The following FAM178B variants were observed in gnomAD, a reference collection of about 807,000 sequenced individuals.
The protein encoded by FAM178B is family with sequence similarity 178 member B.
FAM178B carries 82 observed loss-of-function variants against 91.7 expected under a neutral mutation model. The ratio of observed to expected loss-of-function variants is 0.89; its 90% confidence interval spans 0.75 to 1.07. The LOEUF is 1.07. FAM178B is among the 50% of genes least tolerant of loss of function. The pLI is 0.00. For synonymous variants in FAM178B, 368 were observed against 359.4 expected, an observed-to-expected ratio of 1.02 and a Z score of -0.27; for missense variants, 769 against 846.7, an observed-to-expected ratio of 0.91 and a Z score of 1.14.
At chr2:96,940,173 C>G (rs2081702832) in intron 8 of FAM178B, among the ~76,000 whole-genome samples, 1 of 152,186 alleles carries the variant, frequency 6.6e-6, no homozygotes, top group South Asian at 2.1e-4. Context: ...CAGCCCGCCT[C>G]TCTGGGCCTG....
intron 6 of FAM178B, among the ~76,000 whole-genome samples, chr2:96,957,116 T>C (rs987273328): frequency 3.9e-5 from 6 of 152,102 alleles, no homozygotes; most frequent in Non-Finnish European, 8.8e-5. Context: ...CCTCCCAAAG[T>C]GCTGGGATTA....
intron 8 of FAM178B, among the ~76,000 whole-genome samples, chr2:96,945,106 G>A (rs1032396059): frequency 6.6e-6 from 1 of 152,188 alleles, no homozygotes; most frequent in African/African-American, 2.4e-5. Context: ...AGTGCTTGAG[G>A]AAGGAGGTGC....
chr2:96,962,898 T>C (rs1401727460), intron 5 of FAM178B, among the ~76,000 whole-genome samples: 1 of 152,180 alleles, frequency 6.6e-6, no homozygotes, highest in Non-Finnish European at 1.5e-5. Flanking sequence ...CTGCACCCCC[T>C]TCCCTGGCCC....
intron 7 of FAM178B, 72 bp from the exon 8 acceptor site, chr2:96,947,974 C>G: frequency 1.4e-6 from 1 of 735,370 alleles, no homozygotes; most frequent in South Asian, 1.6e-5. Flanking sequence ...TAGTAGCAAA[C>G]TTCTATTACT....
At chr2:96,981,601 C>T (rs1307016221) in intron 1 of FAM178B, among the ~76,000 whole-genome samples, 6 of 151,732 alleles carry the variant, frequency 4.0e-5, no homozygotes, top group African/African-American at 1.5e-4. Context: ...ATCAGCCAGG[C>T]GTGGTGGTGG....
At chr2:96,901,173 T>C (rs960778812) in intron 13 of FAM178B, among the ~76,000 whole-genome samples, 30 of 140,862 alleles carry the variant, frequency 2.1e-4, no homozygotes, top group Non-Finnish European at 2.4e-4. Flanking sequence ...TGAATTCTTT[T>C]TTCTTTTTTT....
rs1559079726 is a variant in FAM178B at position 96,929,353 on chromosome 2, T to C, written c.1079-33A>G. Reference sequence around the variant, plus strand: ...GCCAAAAGGGAGCAGAGAGTTAGAATGGGGAACGGAGGGCAGGGTGCACCA... The same window carrying C: ...GCCAAAAGGGAGCAGAGAGTTAGAACGGGGAACGGAGGGCAGGGTGCACCA... On this transcript the variant is annotated intron_variant, in intron 8 of 16. Transcript: ENST00000490605. 6 of 1,477,538 alleles carry C rather than the reference T, an allele frequency of 4.1e-6. No homozygotes were observed. In the South Asian group the frequency reaches 4.8e-5, roughly 12 times the overall value. 91.5% of individuals were successfully genotyped at this position (1,477,538 alleles called of 1,614,324 possible). A position where few individuals can be genotyped will look rare whatever the true frequency, so the allele number is the denominator to read the frequency against.
intron 4 of FAM178B, among the ~76,000 whole-genome samples, chr2:96,970,107 C>T (rs368000167): frequency 8.5e-5 from 13 of 152,198 alleles, no homozygotes; most frequent in South Asian, 8.3e-4. Flanking sequence ...TGAAGACGAC[C>T]CCTGTCTGTC....
intron 14 of FAM178B, among the ~76,000 whole-genome samples, chr2:96,886,989 C>T (rs1471992781): frequency 1.4e-4 from 21 of 152,130 alleles, no homozygotes; most frequent in East Asian, 1.9e-4. Context: ...CAGAGGCGGG[C>T]GGATCACGAG....
At chr2:96,945,094 G>T (rs539505489) in intron 8 of FAM178B, among the ~76,000 whole-genome samples, 1 of 152,166 alleles carries the variant, frequency 6.6e-6, no homozygotes, top group African/African-American at 2.4e-5. Context: ...GCCATCTAGC[G>T]AAGTGCTTGA....
chr2:96,894,460 C>T (rs1485119205), intron 13 of FAM178B, among the ~76,000 whole-genome samples: 5 of 128,820 alleles, frequency 3.9e-5, no homozygotes, highest in African/African-American at 1.5e-4. Flanking sequence ...ACCTACTCAC[C>T]CCCTCCACAG....
At chr2:96,980,169 C>G (rs566197837) in intron 1 of FAM178B, among the ~76,000 whole-genome samples, 1 of 151,688 alleles carries the variant, frequency 6.6e-6, no homozygotes, top group Admixed American at 6.6e-5. Context: ...TCCGCCTCCC[C>G]GTTTTAAGCA....
intron 13 of FAM178B, among the ~76,000 whole-genome samples, chr2:96,898,992 G>C (rs2080875143): frequency 6.6e-6 from 1 of 152,222 alleles, no homozygotes; most frequent in African/African-American, 2.4e-5. Context: ...GTGGGTGGCT[G>C]TGGGGACGAG....
chr2:96,954,001 C>T (rs1359369207), intron 6 of FAM178B, among the ~76,000 whole-genome samples: 2 of 152,216 alleles, frequency 1.3e-5, no homozygotes, highest in Non-Finnish European at 2.9e-5. Context: ...CCTTGGGTGA[C>T]AGAATTGGCT....
At chr2:96,983,246 T>C (rs2082384836) in intron 1 of FAM178B, among the ~76,000 whole-genome samples, 3 of 152,144 alleles carry the variant, frequency 2.0e-5, no homozygotes, top group African/African-American at 4.8e-5. Flanking sequence ...TTAGTATAAA[T>C]GTGTGTCTGT....
intron 1 of FAM178B, among the ~76,000 whole-genome samples, chr2:96,976,283 TG>T (rs1411256761): frequency 2.0e-5 from 3 of 151,096 alleles, no homozygotes; most frequent in African/African-American, 7.3e-5. Flanking sequence ...TTAGTAGAGA[TG>T]GGGTTTCACC....
chr2:96,913,702 A>C (rs1326652386), intron 12 of FAM178B, among the ~76,000 whole-genome samples: 5 of 152,198 alleles, frequency 3.3e-5, no homozygotes, highest in Non-Finnish European at 7.4e-5. Flanking sequence ...TGCTCCAGAC[A>C]TAAGAACACT....
At chr2:96,966,637 A>G (rs2082147378) in intron 5 of FAM178B, among the ~76,000 whole-genome samples, 1 of 152,104 alleles carries the variant, frequency 6.6e-6, no homozygotes, top group Non-Finnish European at 1.5e-5. Flanking sequence ...GGGTGAATGG[A>G]TGGTGTTACA....
At chr2:96,984,069 AAGCGATTCTCCTGCCTC>A (rs1449954604) in intron 1 of FAM178B, among the ~76,000 whole-genome samples, 1 of 152,114 alleles carries the variant, frequency 6.6e-6, no homozygotes, top group Non-Finnish European at 1.5e-5. Flanking sequence ...TCCCGGGTTC[AAGCGATTCTCCTGCCTC>A]AGCCTCCTGA....
Sources: allele counts gnomAD v4.1 joint callset (sites outside exome capture counted in the v4.1 genomes callset), GRCh38; gene constraint gnomAD v4.1.1; transcripts MANE v1.5; gene names NCBI Gene and HGNC (gene_info 2026-07-23, HGNC 2026-07-21).